Variants in PDE3A observed in about 807,000 individuals in gnomAD.
The protein encoded by PDE3A is cGMP-inhibited 3',5'-cyclic phosphodiesterase 3A.
In PDE3A, 43 loss-of-function variants were observed where a neutral mutation model predicts 98.3. The observed-to-expected ratio is 0.44, with a 90% CI of 0.34 to 0.56. The LOEUF (loss-of-function observed/expected upper bound fraction) is 0.56, where lower values mean the gene tolerates loss of function less well. PDE3A is among the 20% of genes least tolerant of loss of function. The pLI, the probability that PDE3A is intolerant of heterozygous loss-of-function variation, is 0.01. For missense variants in PDE3A, 1,427 were observed against 1,440.7 expected (o/e 0.99, Z 0.15); for synonymous variants, 663 against 567.9 (o/e 1.17, Z -2.38).
intron 1 of PDE3A, among the ~76,000 whole-genome samples, chr12:20,459,662 C>A (rs1479010999): frequency 1.3e-5 from 2 of 152,096 alleles, no homozygotes; most frequent in Non-Finnish European, 2.9e-5. Flanking sequence ...GGTTTCATAG[C>A]ATTAATCTGA....
At chr12:20,472,890 C>T (rs1945464706) in intron 1 of PDE3A, among the ~76,000 whole-genome samples, 1 of 152,084 alleles carries the variant, frequency 6.6e-6, no homozygotes, top group Non-Finnish European at 1.5e-5. Flanking sequence ...TCAGATTCAC[C>T]TTTTTAAATA....
chr12:20,633,089 T>C lies in PDE3A; in HGVS notation c.1761-604T>C, dbSNP rs146144074. 4.5e-3 allele frequency among the ~76,000 whole-genome samples: 691 copies of C among 151,970 alleles called. 5 individuals are homozygous for C. The highest frequency in any genetic ancestry group is 0.016 in the African/African-American group (654 of 41,468). ...CCTCAGCCTCCCCAAGTAGCTGGTA[T>C]TACAGGCATCCACCACCCTGCCTGG... On this transcript the variant is annotated intron_variant, in intron 6 of 15. Transcript: ENST00000359062.
intron 1 of PDE3A, among the ~76,000 whole-genome samples, chr12:20,429,403 C>A (rs946921090): frequency 6.6e-6 from 1 of 152,206 alleles, no homozygotes; most frequent in Non-Finnish European, 1.5e-5. Flanking sequence ...GAGAGTGCTG[C>A]AGGCTACAGC....
chr12:20,668,609 G>T (rs1450321650), intron 15 of PDE3A, among the ~76,000 whole-genome samples: 1 of 152,066 alleles, frequency 6.6e-6, no homozygotes, highest in African/African-American at 2.4e-5. Flanking sequence ...CACATGGCAG[G>T]GTACTCCAAC....
At chr12:20,618,730 A>G (rs73080759) in intron 4 of PDE3A, among the ~76,000 whole-genome samples, 14,924 of 152,128 alleles carry the variant, frequency 0.098, 837 homozygotes, top group East Asian at 0.2. Context: ...TGCTTAAAAA[A>G]TAGGCTTTAG....
intron 4 of PDE3A, among the ~76,000 whole-genome samples, chr12:20,619,955 G>T (rs1403935874): frequency 1.3e-5 from 2 of 151,974 alleles, no homozygotes; most frequent in Admixed American, 6.6e-5. Flanking sequence ...GTAATTAATG[G>T]ATACAGACAA....
At chr12:20,531,542 C>T (rs1005559892) in intron 1 of PDE3A, among the ~76,000 whole-genome samples, 17 of 151,906 alleles carry the variant, frequency 1.1e-4, no homozygotes, top group African/African-American at 2.9e-4. Flanking sequence ...ATGGGTAAGA[C>T]GGTAGTTGTG....
At chr12:20,555,511 G>T (rs1381128669) in intron 1 of PDE3A, among the ~76,000 whole-genome samples, 1 of 152,110 alleles carries the variant, frequency 6.6e-6, no homozygotes, top group East Asian at 1.9e-4. Flanking sequence ...ACATCATGAG[G>T]TATAGTTCTC....
intron 13 of PDE3A, 98 bp from the exon 14 acceptor site, chr12:20,650,347 T>C: frequency 2.9e-6 from 2 of 694,742 alleles, no homozygotes; most frequent in Non-Finnish European, 4.8e-6. Context: ...ATGATCCCTA[T>C]ATAATATGAA....
chr12:20,676,561 G>A (rs1022699603), intron 15 of PDE3A, among the ~76,000 whole-genome samples: 14 of 145,382 alleles, frequency 9.6e-5, no homozygotes, highest in East Asian at 6.2e-4. Context: ...GTGCAGTGGC[G>A]TGATCTCAGC....
At chr12:20,532,166 GA>G (rs1288781382) in intron 1 of PDE3A, among the ~76,000 whole-genome samples, 5 of 151,918 alleles carry the variant, frequency 3.3e-5, no homozygotes, top group Non-Finnish European at 7.4e-5. Context: ...TCATCTTTAT[GA>G]AAAGCTATAT....
rs748640824 is a variant in PDE3A at position 20,687,479 on chromosome 12, GCTT to G, written c.*7209_*7211del. The stretch of plus-strand genomic sequence containing the variant: ...GTAAAATATTTGCATGGGAATTTTA[GCTT>G]ATTATGTTTGCTTAACTGGTGTTTT... On this transcript the variant is annotated 3_prime_UTR_variant, in exon 16 of 16. Transcript: ENST00000359062. 3.5e-5 allele frequency among the ~76,000 whole-genome samples: 5 copies of G among 141,314 alleles called. No homozygotes were observed. Among genetic ancestry groups the G allele is most frequent in the Non-Finnish European group, 6.2e-5 (4 of 64,070 alleles). 92.7% of individuals were successfully genotyped at this position (141,314 alleles called of 152,430 possible). A position where few individuals can be genotyped will look rare whatever the true frequency, so the allele number is the denominator to read the frequency against.
In PDE3A at chr12:20,493,556, G is replaced by C. The variant is rs111701406; in HGVS notation, c.961-63104G>C. On this transcript the variant is annotated intron_variant, in intron 1 of 15. Coordinates refer to ENST00000359062, the MANE Select transcript of PDE3A (RefSeq NM_000921.5). ...AGGGTTGACTATATGTACATATACA[G>C]ACACACAAACACACACAGATGTGCC... is the stretch of plus-strand genomic sequence containing the variant. 9.2e-5 allele frequency among the ~76,000 whole-genome samples: 14 copies of C among 152,132 alleles called. No individual in the cohort carries two copies. The East Asian group carries it at 2.3e-3, about 25-fold the overall frequency.
At chr12:20,472,485 A>G (rs1945455667) in intron 1 of PDE3A, among the ~76,000 whole-genome samples, 1 of 152,098 alleles carries the variant, frequency 6.6e-6, no homozygotes, top group African/African-American at 2.4e-5. Flanking sequence ...TTTTCTTCCT[A>G]AAGGTGCAAC....
chr12:20,638,026 C>A (rs1944558900), intron 9 of PDE3A, among the ~76,000 whole-genome samples: 1 of 152,180 alleles, frequency 6.6e-6, no homozygotes, highest in Middle Eastern at 3.4e-3. Context: ...AGTATCACAG[C>A]AGAGATAGTA....
intron 2 of PDE3A, among the ~76,000 whole-genome samples, chr12:20,558,599 G>A (rs1440417125): frequency 6.6e-6 from 1 of 151,344 alleles, no homozygotes; most frequent in African/African-American, 2.4e-5. Flanking sequence ...ACATTAAAAA[G>A]AAAGAGAATT....
intron 15 of PDE3A, among the ~76,000 whole-genome samples, chr12:20,661,150 G>C (rs1190066330): frequency 1.3e-5 from 2 of 152,156 alleles, no homozygotes; most frequent in Non-Finnish European, 2.9e-5. Flanking sequence ...TTTTAGCAAA[G>C]AGACTGGCAG....
intron 1 of PDE3A, among the ~76,000 whole-genome samples, chr12:20,452,851 C>G (rs750324970): frequency 1.3e-5 from 2 of 152,200 alleles, no homozygotes; most frequent in Non-Finnish European, 2.9e-5. Context: ...CCCTCGCACT[C>G]TTTGGGTGGC....
intron 1 of PDE3A, among the ~76,000 whole-genome samples, chr12:20,392,410 T>C (rs1020500032): frequency 1.3e-5 from 2 of 151,942 alleles, no homozygotes; most frequent in African/African-American, 4.8e-5. Flanking sequence ...TGGTAACACA[T>C]GCCTTTAGTC....
Sources: gnomAD v4.1 joint callset for allele counts (sites outside exome capture counted in the v4.1 genomes callset) on GRCh38, gnomAD v4.1.1 for gene constraint, MANE v1.5 for transcripts, NCBI Gene and HGNC (gene_info 2026-07-23, HGNC 2026-07-21) for gene names.